The following AK5 variants were observed in gnomAD, a reference collection of about 807,000 sequenced individuals.
The protein encoded by AK5 is adenylate kinase isoenzyme 5.
A neutral mutation model predicts 69.5 loss-of-function variants in AK5; 27 were observed. The observed-to-expected ratio is 0.39, with a 90% CI of 0.29 to 0.54. The LOEUF is 0.54. Among genes scored for constraint, AK5 ranks in the 20% least tolerant of loss-of-function variants. The pLI, the probability that AK5 is intolerant of heterozygous loss-of-function variation, is 0.71. For missense variants in AK5, 531 were observed against 700.4 expected (o/e 0.76, Z 2.73); for synonymous variants, 260 against 244.4 (o/e 1.06, Z -0.60).
intron 10 of AK5, among the ~76,000 whole-genome samples, chr1:77,516,901 C>T (rs1657678408): frequency 6.6e-6 from 1 of 151,880 alleles, no homozygotes; most frequent in African/African-American, 2.4e-5. Flanking sequence ...GAAACCCTGT[C>T]TGTATCAAAA....
chr1:77,312,537 G>A (rs2100296783), intron 5 of AK5, among the ~76,000 whole-genome samples: 3 of 150,668 alleles, frequency 2.0e-5, no homozygotes, highest in Middle Eastern at 3.4e-3. Flanking sequence ...ATCACTTGAA[G>A]CCAGGAGGCG....
chr1:77,304,434 T>C (rs1659522107), intron 5 of AK5, among the ~76,000 whole-genome samples: 1 of 151,652 alleles, frequency 6.6e-6, no homozygotes, highest in African/African-American at 2.4e-5. Context: ...ACATGGAGTT[T>C]CATTCTTGTT....
At chr1:77,491,780 G>T (rs1656022641) in intron 10 of AK5, among the ~76,000 whole-genome samples, 1 of 152,132 alleles carries the variant, frequency 6.6e-6, no homozygotes, top group Admixed American at 6.5e-5. Flanking sequence ...ACTACATAAA[G>T]CACTTTATAA....
At chr1:77,414,379 G>A (rs1451972143) in intron 7 of AK5, among the ~76,000 whole-genome samples, 2 of 152,144 alleles carry the variant, frequency 1.3e-5, no homozygotes, top group Non-Finnish European at 2.9e-5. Context: ...AAGAAGCCCT[G>A]CAATTGTAGG....
At chr1:77,525,064 G>T (rs946685349) in intron 12 of AK5, among the ~76,000 whole-genome samples, 1 of 152,024 alleles carries the variant, frequency 6.6e-6, no homozygotes, top group African/African-American at 2.4e-5. Flanking sequence ...ATGCCACCAC[G>T]CCTGGCTAAT....
At chr1:77,367,599 A>T (rs11583481) in intron 6 of AK5, among the ~76,000 whole-genome samples, 16,775 of 62,448 alleles carry the variant, frequency 0.27, 3,748 homozygotes, top group Middle Eastern at 0.48. Flanking sequence ...TTATATATGT[A>T]ATATATATGT....
At chr1:77,408,667 C>G (rs370196008) in intron 6 of AK5, among the ~76,000 whole-genome samples, 1 of 152,040 alleles carries the variant, frequency 6.6e-6, no homozygotes, top group East Asian at 1.9e-4. Context: ...AACTTATAAT[C>G]TGCATATTTT....
chr1:77,440,291 G>A (rs1289048185), intron 8 of AK5, among the ~76,000 whole-genome samples: 5 of 152,132 alleles, frequency 3.3e-5, no homozygotes, highest in Non-Finnish European at 5.9e-5. Context: ...CTTTGAATAT[G>A]TCATCTCATT....
At position 77,518,591 on chromosome 1, in the gene AK5, A is replaced by G; in HGVS notation, c.1175A>G (p.Gln392Arg). The change falls in exon 11 of 14, where the codon CAG becomes CGG. Residue 392 changes from glutamine (Q) to arginine (R), a missense_variant. Transcript: ENST00000354567. Reference protein sequence around the residue: ...IGGPGSGKGTQCEKLVEKYGF... With the variant: ...IGGPGSGKGTRCEKLVEKYGF... ...GGTCCTGGCTCTGGCAAAGGCACAC[A>G]GTGTGAAAAGCTGGTGGAAAAATAT... 6.2e-7 allele frequency: 1 copy of G among 1,614,208 alleles called. No homozygotes were observed. Among genetic ancestry groups the G allele is most frequent in the Non-Finnish European group, 8.5e-7 (1 of 1,180,008 alleles).
At chr1:77,429,766 G>C (rs1174233901) in intron 8 of AK5, among the ~76,000 whole-genome samples, 2 of 152,144 alleles carry the variant, frequency 1.3e-5, no homozygotes, top group East Asian at 3.9e-4. Context: ...GCGGGCAAGA[G>C]ATTCTTGAAT....
chr1:77,307,871 G>A (rs1258433199), intron 5 of AK5, among the ~76,000 whole-genome samples: 3 of 152,142 alleles, frequency 2.0e-5, no homozygotes. Flanking sequence ...TTAAAACCAG[G>A]TACTGTTAGT....
chr1:77,345,992 AT>A (rs1206238618), intron 6 of AK5: 2 of 152,256 alleles, frequency 1.3e-5, no homozygotes, highest in Non-Finnish European at 2.9e-5. Flanking sequence ...TATGTATTAT[AT>A]ACTGATTCTT....
At chr1:77,470,276 G>A (rs141996917) in intron 8 of AK5, among the ~76,000 whole-genome samples, 12 of 152,266 alleles carry the variant, frequency 7.9e-5, no homozygotes, top group African/African-American at 2.2e-4. Context: ...AAGCCAAGGC[G>A]GGAGGATCAC....
Position 77,535,375 on chromosome 1 carries a change from TCTGTGTGCTAAAG to T in AK5, c.1429-470_1429-458del, listed in dbSNP as rs546904523. On this transcript the variant is annotated intron_variant, in intron 12 of 13. Transcript: ENST00000354567. ...GACCCTAAGCAGCCTGATTCCAGCC[TCTGTGTGCTAAAG>T]CATTATGCCCCACTCACCTGACACA... Among the ~76,000 whole-genome samples the T allele has an allele frequency of 1.2e-3, 180 of 152,264 alleles. 1 individual carries two copies. The highest frequency in any genetic ancestry group is 4.0e-3 in the African/African-American group (165 of 41,572).
chr1:77,487,856 C>A (rs1655698800), intron 10 of AK5, among the ~76,000 whole-genome samples: 1 of 152,158 alleles, frequency 6.6e-6, no homozygotes, highest in East Asian at 1.9e-4. Flanking sequence ...ACTGTTGGAC[C>A]CCTGCTGGGC....
rs548225420 is a variant in AK5, at chr1:77,507,786, T to C, written c.1148-10778T>C. 6.6e-5 allele frequency among the ~76,000 whole-genome samples: 10 copies of C among 152,354 alleles called. No individual in the cohort carries two copies. The South Asian group carries it at 2.1e-3, about 32-fold the overall frequency. ...GTGACATTGGAGAGTTCACAGCAAATTGCCTTCCTTAGATTATCTAATCTA... is the reference window on the plus strand; with the variant it reads ...GTGACATTGGAGAGTTCACAGCAAACTGCCTTCCTTAGATTATCTAATCTA... On this transcript the variant is annotated intron_variant, in intron 10 of 13. Coordinates refer to ENST00000354567, the MANE Select transcript of AK5 (RefSeq NM_174858.3).
At chr1:77,402,211 C>T (rs1235691124) in intron 6 of AK5, among the ~76,000 whole-genome samples, 1 of 152,258 alleles carries the variant, frequency 6.6e-6, no homozygotes, top group Admixed American at 6.5e-5. Flanking sequence ...ACCTATGCTA[C>T]CGCTGCAGCA....
At chr1:77,557,792 C>T (rs1660186590) in intron 13 of AK5, among the ~76,000 whole-genome samples, 1 of 152,162 alleles carries the variant, frequency 6.6e-6, no homozygotes, top group Non-Finnish European at 1.5e-5. Context: ...TTTAAATAGA[C>T]TTTCCTTTTT....
At chr1:77,365,996 C>T (rs1450910462) in intron 6 of AK5, among the ~76,000 whole-genome samples, 2 of 152,126 alleles carry the variant, frequency 1.3e-5, no homozygotes, top group Non-Finnish European at 2.9e-5. Context: ...CAGAAATCAC[C>T]ACTAAAGAAC....
Sources: gnomAD v4.1 joint callset for allele counts (sites outside exome capture counted in the v4.1 genomes callset) on GRCh38, gnomAD v4.1.1 for gene constraint, MANE v1.5 for transcripts, NCBI Gene and HGNC (gene_info 2026-07-23, HGNC 2026-07-21) for gene names.